Variants in PPHLN1 observed in about 807,000 individuals in gnomAD.
The protein encoded by PPHLN1 is periphilin-1.
Under a neutral mutation model 51.3 loss-of-function variants are expected in PPHLN1, and 29 were observed. The ratio of observed to expected loss-of-function variants is 0.57; its 90% confidence interval spans 0.42 to 0.77. PPHLN1 has a LOEUF of 0.77. PPHLN1 is among the 30% of genes least tolerant of loss of function. PPHLN1 has a pLI of 0.00. For missense variants in PPHLN1, 436 were observed against 438.4 expected (o/e 0.99, Z 0.05); for synonymous variants, 147 against 147.8 (o/e 0.99, Z 0.04).
intron 2 of PPHLN1, among the ~76,000 whole-genome samples, chr12:42,349,713 C>T (rs1249722831): frequency 6.6e-6 from 1 of 151,672 alleles, no homozygotes; most frequent in Non-Finnish European, 1.5e-5. Flanking sequence ...TCAGAGAGCA[C>T]GGGGTTGGGG....
At chr12:42,349,607 C>A (rs2072909018) in intron 2 of PPHLN1, among the ~76,000 whole-genome samples, 2 of 152,122 alleles carry the variant, frequency 1.3e-5, no homozygotes, top group African/African-American at 4.8e-5. Flanking sequence ...GTGGTGATGA[C>A]TCTTAACGAG....
At chr12:42,418,879 A>G (rs2080723047) in intron 9 of PPHLN1, among the ~76,000 whole-genome samples, 1 of 152,182 alleles carries the variant, frequency 6.6e-6, no homozygotes, top group Non-Finnish European at 1.5e-5. Context: ...GCCTTCACTT[A>G]GTAACTCCTC....
intron 3 of PPHLN1, among the ~76,000 whole-genome samples, chr12:42,353,466 T>A (rs1348050067): frequency 6.6e-6 from 1 of 152,238 alleles, no homozygotes. Flanking sequence ...CTCTTACTAC[T>A]GCATCATAGT....
downstream of PPHLN1, chr12:42,446,067 C>T (rs908368670): frequency 5.2e-6 from 8 of 1,546,652 alleles, no homozygotes; most frequent in East Asian, 1.5e-4. Flanking sequence ...ACCCTGCAGG[C>T]CCCGCAGCCC....
chr12:42,418,288 A>G (rs1022284683), intron 9 of PPHLN1, among the ~76,000 whole-genome samples: 1 of 149,144 alleles, frequency 6.7e-6, no homozygotes, highest in Non-Finnish European at 1.5e-5. Context: ...CCTAAAAGGA[A>G]TGAACAATAC....
rs1170950617 is a variant in PPHLN1 at position 42,432,081 on chromosome 12, C to T, written c.910-9234C>T. ...GCCACCACGTGGTCCACCACGACCT[C>T]GACCCCCTGAAACACTTCTGCATCT... On this transcript the variant is annotated intron_variant, in intron 9 of 9. Coordinates refer to ENST00000358314, the MANE Select transcript of PPHLN1 (RefSeq NM_201439.2). 5 of 1,568,410 alleles carry T rather than the reference C, an allele frequency of 3.2e-6. No individual in the cohort carries two copies. In the South Asian group the frequency reaches 3.3e-5, roughly 10 times the overall value.
chr12:42,389,288 G>A (rs2077470731), intron 7 of PPHLN1, among the ~76,000 whole-genome samples: 1 of 152,080 alleles, frequency 6.6e-6, no homozygotes, highest in South Asian at 2.1e-4. Context: ...CAGGAGAATG[G>A]CTTGAACTTA....
chr12:42,396,568 C>T (rs2078213122), intron 8 of PPHLN1, among the ~76,000 whole-genome samples: 2 of 130,090 alleles, frequency 1.5e-5, no homozygotes, highest in Admixed American at 1.8e-4. Flanking sequence ...TGTTTGAGGC[C>T]AGGAGTTGCA....
At chr12:42,430,151 G>T (rs1461359776) in intron 9 of PPHLN1, among the ~76,000 whole-genome samples, 1 of 152,130 alleles carries the variant, frequency 6.6e-6, no homozygotes, top group Non-Finnish European at 1.5e-5. Context: ...AAAAGGGGTG[G>T]AGAGGGACTG....
chr12:42,374,858 C>A lies in PPHLN1; in HGVS notation c.300-5C>A, dbSNP rs878887822. 284 of 1,308,922 alleles carry A rather than the reference C, an allele frequency of 2.2e-4. No individual in the cohort carries two copies. Among genetic ancestry groups the A allele is most frequent in the Non-Finnish European group, 2.7e-4 (258 of 971,556 alleles). 81.1% of individuals were successfully genotyped at this position (1,308,922 alleles called of 1,614,324 possible). A position where few individuals can be genotyped will look rare whatever the true frequency, so the allele number is the denominator to read the frequency against. ...ACTTATTTTATGTTTTTTTTTTTTT[C>A]AAAGGGACATGAGAGATGGCTTTAG... On this transcript the variant is annotated splice_polypyrimidine_tract_variant and splice_region_variant and intron_variant, in intron 4 of 9. Transcript: ENST00000358314.
intron 8 of PPHLN1, among the ~76,000 whole-genome samples, chr12:42,398,067 T>C (rs1353758811): frequency 1.3e-5 from 2 of 152,156 alleles, no homozygotes; most frequent in South Asian, 2.1e-4. Context: ...TGCTACTTCT[T>C]CTAAGTTGTT....
chr12:42,335,851 A>G (rs774751631), intron 1 of PPHLN1, 32 bp from the exon 2 acceptor site: 2 of 1,344,412 alleles, frequency 1.5e-6, no homozygotes, highest in Non-Finnish European at 2.0e-6. Context: ...ACTTCCTAGT[A>G]TAAAATCCAT....
chr12:42,400,314 A>G (rs1232967227), intron 9 of PPHLN1: 1 of 151,382 alleles, frequency 6.6e-6, no homozygotes, highest in Non-Finnish European at 1.5e-5. Context: ...TAAAAATACA[A>G]AAAATTAGCC....
chr12:42,360,754 A>G (rs1464926324), intron 4 of PPHLN1, among the ~76,000 whole-genome samples: 3 of 151,984 alleles, frequency 2.0e-5, no homozygotes, highest in African/African-American at 4.8e-5. Flanking sequence ...TGGCCTCCCA[A>G]AGTGCTTGGA....
chr12:42,431,898 A>T (rs1211051171), intron 9 of PPHLN1: 1 of 1,595,652 alleles, frequency 6.3e-7, no homozygotes, highest in African/African-American at 1.3e-5. Flanking sequence ...TCAGAACAGC[A>T]TCTTCATCAG....
chr12:42,439,501 G>A (rs1009084438), intron 9 of PPHLN1, among the ~76,000 whole-genome samples: 4 of 152,134 alleles, frequency 2.6e-5, no homozygotes, highest in African/African-American at 9.7e-5. Flanking sequence ...AAGGTGTGTT[G>A]TTTTTTGTTT....
chr12:42,395,485 A>G (rs1228097234), intron 8 of PPHLN1, among the ~76,000 whole-genome samples: 3 of 152,068 alleles, frequency 2.0e-5, no homozygotes, highest in African/African-American at 4.8e-5. Context: ...TCATATTAAT[A>G]TTTTTCTCTT....
downstream of PPHLN1, chr12:42,444,794 T>C: frequency 4.2e-6 from 2 of 473,558 alleles, no homozygotes; most frequent in Non-Finnish European, 7.5e-6. Flanking sequence ...AGTTCTTATC[T>C]AGTACTTCTG....
chr12:42,384,894 G>A lies in PPHLN1; in HGVS notation c.512-46G>A, dbSNP rs1315369436. On this transcript the variant is annotated intron_variant, in intron 5 of 9. Transcript: ENST00000358314. ...TGAGTTCTTCTCTTGTTCCTCTTGG[G>A]CACAGAGGTGCTGCTGTTAATTCCT... 24 of 1,520,284 alleles carry A rather than the reference G, an allele frequency of 1.6e-5. No homozygotes were observed. In the Admixed American group the frequency reaches 1.8e-4, roughly 12 times the overall value. The allele number at this position is 1,520,284 out of a possible 1,614,324, so 94.2% of individuals were successfully genotyped here.
Sources: gnomAD v4.1 joint callset for allele counts (sites outside exome capture counted in the v4.1 genomes callset) on GRCh38, gnomAD v4.1.1 for gene constraint, MANE v1.5 for transcripts, NCBI Gene and HGNC (gene_info 2026-07-23, HGNC 2026-07-21) for gene names.